The following THSD4 variants were observed in gnomAD, a reference collection of about 807,000 sequenced individuals.
The protein encoded by THSD4 is thrombospondin type-1 domain-containing protein 4.
Under a neutral mutation model 119.0 loss-of-function variants are expected in THSD4, and 69 were observed. That is an observed-to-expected ratio of 0.58 (90% CI 0.48 to 0.71). The LOEUF is 0.71. Ranked by LOEUF, THSD4 falls within the 30% of genes least tolerant of loss-of-function variation. THSD4 has a pLI of 0.00. For missense variants in THSD4, 1,393 were observed against 1,391.1 expected (o/e 1.00, Z -0.02); for synonymous variants, 524 against 540.4 (o/e 0.97, Z 0.42).
At chr15:71,426,043 T>C (rs1291389684) in intron 7 of THSD4, among the ~76,000 whole-genome samples, 3 of 152,172 alleles carry the variant, frequency 2.0e-5, no homozygotes, top group Non-Finnish European at 1.5e-5. Flanking sequence ...TGGTGCCTTC[T>C]GGTGAAGGGA....
At chr15:71,763,334 G>A (rs2053656985) in intron 15 of THSD4, among the ~76,000 whole-genome samples, 2 of 151,980 alleles carry the variant, frequency 1.3e-5, no homozygotes, top group South Asian at 4.1e-4. Context: ...TGCAGACATT[G>A]TTGCAGGCTT....
At chr15:71,305,015 G>C (rs2045004912) in intron 6 of THSD4, among the ~76,000 whole-genome samples, 1 of 152,218 alleles carries the variant, frequency 6.6e-6, no homozygotes, top group South Asian at 2.1e-4. Context: ...GTGAATCACA[G>C]TGGTCCATCC....
chr15:71,593,285 G>A lies in THSD4; in HGVS notation c.1153-67245G>A, dbSNP rs1172007231. 6.0e-5 allele frequency among the ~76,000 whole-genome samples: 2 copies of A among 33,158 alleles called. 1 individual carries two copies. Among genetic ancestry groups the A allele is most frequent in the Non-Finnish European group, 2.0e-4 (2 of 9,884 alleles). 21.8% of individuals were successfully genotyped at this position (33,158 alleles called of 152,430 possible). A position where few individuals can be genotyped will look rare whatever the true frequency, so the allele number is the denominator to read the frequency against. ...TAAAAATACAAAAAATTAGCCGGGC[G>A]TAGTGGCGGGCGCCTGTAGTCCCAG... On this transcript the variant is annotated intron_variant, in intron 7 of 17. Coordinates refer to ENST00000261862, the MANE Select transcript of THSD4 (RefSeq NM_024817.3).
intron 7 of THSD4, among the ~76,000 whole-genome samples, chr15:71,573,681 T>A (rs2049399562): frequency 6.6e-6 from 1 of 152,230 alleles, no homozygotes; most frequent in African/African-American, 2.4e-5. Flanking sequence ...ATTTCCCTTC[T>A]ACAATGTGCT....
Position 71,357,403 on chromosome 15 carries a change from G to A in THSD4, c.1016-54284G>A, listed in dbSNP as rs138783415. 2.6e-3 allele frequency among the ~76,000 whole-genome samples: 397 copies of A among 152,356 alleles called. 2 individuals are homozygous for A. Among genetic ancestry groups the A allele is most frequent in the African/African-American group, 9.3e-3 (385 of 41,588 alleles). Reference sequence around the variant, plus strand: ...GCCACCACTCCTGTCCCTGGTGGGAGCTGACAGGCTCACTCTGCAGTGTGT... The same window carrying A: ...GCCACCACTCCTGTCCCTGGTGGGAACTGACAGGCTCACTCTGCAGTGTGT... On this transcript the variant is annotated intron_variant, in intron 6 of 17. Transcript: ENST00000261862.
chr15:71,577,459 G>A (rs962088859), intron 7 of THSD4, among the ~76,000 whole-genome samples: 9 of 152,202 alleles, frequency 5.9e-5, no homozygotes, highest in Non-Finnish European at 1.2e-4. Context: ...ATACGAGGAG[G>A]ATAGGAGACT....
At chr15:71,532,476 A>AT (rs58655409) in intron 7 of THSD4, among the ~76,000 whole-genome samples, 11,756 of 147,930 alleles carry the variant, frequency 0.079, 1,490 homozygotes, top group African/African-American at 0.27. Flanking sequence ...ATGCCCAGCA[A>AT]TTTTTTTTTT....
At chr15:71,614,470 C>T (rs8032448) in intron 7 of THSD4, among the ~76,000 whole-genome samples, 78,106 of 152,054 alleles carry the variant, frequency 0.51, 21,105 homozygotes, top group East Asian at 0.76. Flanking sequence ...CTGTGTGCAA[C>T]GTTTCCATTC....
At chr15:71,569,730 A>C (rs1298433742) in intron 7 of THSD4, among the ~76,000 whole-genome samples, 2 of 152,250 alleles carry the variant, frequency 1.3e-5, no homozygotes, top group African/African-American at 4.8e-5. Context: ...GCGGTAGCTT[A>C]GGCCTGTAAT....
chr15:71,501,067 T>G (rs777679968), intron 7 of THSD4, among the ~76,000 whole-genome samples: 1 of 152,332 alleles, frequency 6.6e-6, no homozygotes, highest in South Asian at 2.1e-4. Flanking sequence ...TTGCTTTGGG[T>G]AGCATGGATA....
chr15:71,296,844 C>T (rs1488268929), intron 6 of THSD4, among the ~76,000 whole-genome samples: 1 of 152,156 alleles, frequency 6.6e-6, no homozygotes. Flanking sequence ...TTAGCTATAA[C>T]TAGATTTTTA....
intron 6 of THSD4, among the ~76,000 whole-genome samples, chr15:71,376,550 TGGG>T (rs1412879230): frequency 6.6e-6 from 1 of 152,174 alleles, no homozygotes; most frequent in Non-Finnish European, 1.5e-5. Context: ...GGATCTCCCC[TGGG>T]ACACACATAA....
At chr15:71,230,025 G>C (rs2044047787) in intron 4 of THSD4, among the ~76,000 whole-genome samples, 1 of 152,194 alleles carries the variant, frequency 6.6e-6, no homozygotes, top group South Asian at 2.1e-4. Context: ...CATTATTGCT[G>C]TAGTATTAAT....
At chr15:71,396,176 A>G (rs2046452493) in intron 6 of THSD4, among the ~76,000 whole-genome samples, 1 of 152,082 alleles carries the variant, frequency 6.6e-6, no homozygotes, top group South Asian at 2.1e-4. Flanking sequence ...ATGTATATAC[A>G]TACACACATA....
At chr15:71,468,819 A>C (rs1437638957) in intron 7 of THSD4, among the ~76,000 whole-genome samples, 1 of 152,188 alleles carries the variant, frequency 6.6e-6, no homozygotes, top group African/African-American at 2.4e-5. Flanking sequence ...CATTACATAT[A>C]CATTCCAGCC....
In THSD4 at chr15:71,280,379, C is replaced by T. The variant is rs938636654; in HGVS notation, c.1015+23664C>T. The stretch of plus-strand genomic sequence containing the variant: ...AAGCAGGAGAGTAGTATGATCAGAG[C>T]TGAGCTTCAGGAAAATTAATCTGGC... On this transcript the variant is annotated intron_variant, in intron 6 of 17. Coordinates refer to ENST00000261862, the MANE Select transcript of THSD4 (RefSeq NM_024817.3). Among the ~76,000 whole-genome samples, 7 of 152,188 alleles carry T rather than the reference C, an allele frequency of 4.6e-5. No individual in the cohort carries two copies. The East Asian group carries it at 1.4e-3, about 29-fold the overall frequency.
At chr15:71,238,622 A>G (rs1024206756) in intron 4 of THSD4, among the ~76,000 whole-genome samples, 2 of 152,232 alleles carry the variant, frequency 1.3e-5, no homozygotes, top group East Asian at 1.9e-4. Flanking sequence ...GTTACAGTAT[A>G]TATCAGCACT....
chr15:71,757,558 A>AGTTGGGATTACAGGTGCACACCACG (rs1313854639), intron 14 of THSD4, among the ~76,000 whole-genome samples: 17 of 2,538 alleles, frequency 6.7e-3, no homozygotes, highest in African/African-American at 0.031. Context: ...AGCCTCCCAA[A>AGTTGGGATTACAGGTGCACACCACG]GCTCTGGTAC....
At chr15:71,689,179 G>A (rs1163538898) in intron 8 of THSD4, among the ~76,000 whole-genome samples, 2 of 152,246 alleles carry the variant, frequency 1.3e-5, no homozygotes, top group Non-Finnish European at 2.9e-5. Context: ...TCTACGAAGT[G>A]TTTTTAACCC....
Sources: gnomAD v4.1 joint callset for allele counts (sites outside exome capture counted in the v4.1 genomes callset) on GRCh38, gnomAD v4.1.1 for gene constraint, MANE v1.5 for transcripts, NCBI Gene and HGNC (gene_info 2026-07-23, HGNC 2026-07-21) for gene names.